Variants in SLC30A9 observed in about 807,000 individuals in gnomAD.
The protein encoded by SLC30A9 is solute carrier family 30 member 9.
Under a neutral mutation model 87.5 loss-of-function variants are expected in SLC30A9, and 58 were observed. That is an observed-to-expected ratio of 0.66 (90% CI 0.54 to 0.82). SLC30A9 has a LOEUF of 0.82. Ranked by LOEUF, SLC30A9 falls within the 40% of genes least tolerant of loss-of-function variation. The pLI is 0.00. For synonymous variants in SLC30A9, 234 were observed against 233.0 expected, an observed-to-expected ratio of 1.00 and a Z score of -0.04; for missense variants, 557 against 679.1, an observed-to-expected ratio of 0.82 and a Z score of 2.00.
At chr4:42,006,476 C>T (rs1715206035) in intron 2 of SLC30A9, among the ~76,000 whole-genome samples, 1 of 151,962 alleles carries the variant, frequency 6.6e-6, no homozygotes, top group African/African-American at 2.4e-5. Flanking sequence ...CACTTGAGCC[C>T]AGGAGTTCGA....
chr4:42,068,618 C>T lies in SLC30A9; in HGVS notation c.1252+1426C>T, dbSNP rs76044037. ...TGTTATATGTTGTTCCCTATAAAGTCGCAGTTTCTAAGAACCTATTGACAA... is the reference window on the plus strand; with the variant it reads ...TGTTATATGTTGTTCCCTATAAAGTTGCAGTTTCTAAGAACCTATTGACAA... On this transcript the variant is annotated intron_variant, in intron 14 of 17. Coordinates refer to ENST00000264451, the MANE Select transcript of SLC30A9 (RefSeq NM_006345.4). Among the ~76,000 whole-genome samples, 86 of 152,302 alleles carry T rather than the reference C, an allele frequency of 5.6e-4. No individual in the cohort carries two copies. In the East Asian group the frequency reaches 0.014, roughly 25 times the overall value.
chr4:41,993,669 T>TA (rs1228240388), intron 1 of SLC30A9, among the ~76,000 whole-genome samples: 1 of 152,188 alleles, frequency 6.6e-6, no homozygotes, highest in Non-Finnish European at 1.5e-5. Flanking sequence ...ATAAACGGTT[T>TA]ATGCCCTCTG....
At chr4:42,056,615 C>G (rs1717626763) in intron 9 of SLC30A9, among the ~76,000 whole-genome samples, 1 of 152,136 alleles carries the variant, frequency 6.6e-6, no homozygotes, top group Non-Finnish European at 1.5e-5. Context: ...ACCATATCTT[C>G]CCGCCCCAGC....
intron 10 of SLC30A9, 25 bp from the exon 11 acceptor site, chr4:42,062,961 A>T (rs761514817): frequency 1.7e-5 from 27 of 1,599,012 alleles, no homozygotes; most frequent in Non-Finnish European, 2.3e-5. Flanking sequence ...ATTTCTTGCG[A>T]ACTATATTCT....
intron 17 of SLC30A9, among the ~76,000 whole-genome samples, chr4:42,079,356 C>T (rs558196198): frequency 3.3e-5 from 5 of 151,454 alleles, no homozygotes; most frequent in African/African-American, 4.9e-5. Flanking sequence ...TGCAGTGGCA[C>T]GATCTGGGCT....
intron 2 of SLC30A9, among the ~76,000 whole-genome samples, chr4:42,007,734 G>A (rs570970751): frequency 6.6e-6 from 1 of 152,274 alleles, no homozygotes; most frequent in South Asian, 2.1e-4. Context: ...TCCAGCCTGG[G>A]CGACAGAGCA....
intron 2 of SLC30A9, among the ~76,000 whole-genome samples, chr4:42,005,990 TG>T (rs1031688586): frequency 3.3e-5 from 5 of 152,184 alleles, no homozygotes; most frequent in African/African-American, 1.2e-4. Flanking sequence ...TTAAAAGATT[TG>T]GGGGGAAAAT....
At chr4:41,994,392 C>A (rs1420681189) in intron 1 of SLC30A9, among the ~76,000 whole-genome samples, 2 of 151,234 alleles carry the variant, frequency 1.3e-5, no homozygotes, top group Admixed American at 1.3e-4. Flanking sequence ...ATAAAAAGTT[C>A]TTTGGGTTAG....
At chr4:42,025,573 A>T (rs1253654210) in intron 6 of SLC30A9, among the ~76,000 whole-genome samples, 1 of 152,190 alleles carries the variant, frequency 6.6e-6, no homozygotes, top group Non-Finnish European at 1.5e-5. Context: ...AAGTTCTTTA[A>T]ATCATTGGTT....
At chr4:42,044,497 A>G (rs1480234787) in intron 8 of SLC30A9, among the ~76,000 whole-genome samples, 1 of 152,194 alleles carries the variant, frequency 6.6e-6, no homozygotes, top group African/African-American at 2.4e-5. Flanking sequence ...AAAGGGATCA[A>G]TGCAACAAGA....
At chr4:42,005,667 ATGTTCATT>A (rs1715171749) in intron 2 of SLC30A9, among the ~76,000 whole-genome samples, 1 of 152,130 alleles carries the variant, frequency 6.6e-6, no homozygotes, top group Admixed American at 6.5e-5. Flanking sequence ...TGGCTTTGAT[ATGTTCATT>A]TGTTCTGTAG....
intron 8 of SLC30A9, among the ~76,000 whole-genome samples, chr4:42,043,594 T>C (rs1168951039): frequency 1.3e-5 from 2 of 152,192 alleles, no homozygotes; most frequent in African/African-American, 2.4e-5. Flanking sequence ...CACATTTGGT[T>C]GGTGTACCTG....
chr4:42,041,081 C>G (rs1432080346), intron 8 of SLC30A9, among the ~76,000 whole-genome samples: 1 of 152,126 alleles, frequency 6.6e-6, no homozygotes, highest in Non-Finnish European at 1.5e-5. Flanking sequence ...TGCAGGGTAA[C>G]TCCCATTTTT....
At chr4:42,042,864 G>A (rs1716980239) in intron 8 of SLC30A9, among the ~76,000 whole-genome samples, 1 of 152,212 alleles carries the variant, frequency 6.6e-6, no homozygotes, top group Non-Finnish European at 1.5e-5. Flanking sequence ...CTGGGATGAA[G>A]CTTCCAGAGG....
chr4:42,077,909 T>G (rs1349425893), intron 16 of SLC30A9, among the ~76,000 whole-genome samples: 1 of 152,124 alleles, frequency 6.6e-6, no homozygotes, highest in Non-Finnish European at 1.5e-5. Flanking sequence ...CACTTTGAAT[T>G]ATTTTAATGG....
chr4:42,023,946 A>G (rs1716081692), intron 6 of SLC30A9, among the ~76,000 whole-genome samples: 2 of 152,112 alleles, frequency 1.3e-5, no homozygotes, highest in South Asian at 4.1e-4. Flanking sequence ...TATCATGAGA[A>G]CAGTATGGGG....
chr4:41,991,874 A>G (rs1442416560), intron 1 of SLC30A9, among the ~76,000 whole-genome samples: 1 of 152,236 alleles, frequency 6.6e-6, no homozygotes, highest in Non-Finnish European at 1.5e-5. Context: ...ATAAATTAGA[A>G]TATATTCGTA....
At chr4:42,019,193 T>C (rs1715839030) in intron 3 of SLC30A9, among the ~76,000 whole-genome samples, 2 of 152,154 alleles carry the variant, frequency 1.3e-5, no homozygotes, top group Admixed American at 6.5e-5. Context: ...CAGAAAATTG[T>C]GAAATAATAA....
chr4:42,081,283 A>G (rs1718732542), intron 17 of SLC30A9, among the ~76,000 whole-genome samples: 1 of 152,220 alleles, frequency 6.6e-6, no homozygotes, highest in Admixed American at 6.5e-5. Context: ...TATTTCATGA[A>G]AGACTTTTTT....
Sources: gnomAD v4.1 joint callset for allele counts (sites outside exome capture counted in the v4.1 genomes callset) on GRCh38, gnomAD v4.1.1 for gene constraint, MANE v1.5 for transcripts, NCBI Gene and HGNC (gene_info 2026-07-23, HGNC 2026-07-21) for gene names.